The following LNX1 variants were observed in gnomAD, a reference collection of about 807,000 sequenced individuals.
LNX1 encodes the protein E3 ubiquitin-protein ligase LNX.
A neutral mutation model predicts 68.4 loss-of-function variants in LNX1; 54 were observed. The observed-to-expected ratio is 0.79, with a 90% CI of 0.63 to 0.99. The LOEUF is 0.99. Among genes scored for constraint, LNX1 ranks in the 50% least tolerant of loss-of-function variants. The pLI, the probability that LNX1 is intolerant of heterozygous loss-of-function variation, is 0.00. For missense variants in LNX1, 906 were observed against 926.4 expected, an observed-to-expected ratio of 0.98 and a Z score of 0.29; for synonymous variants, 336 against 350.0, an observed-to-expected ratio of 0.96 and a Z score of 0.45.
chr4:53,477,668 A>G (rs1335674253), intron 8 of LNX1, among the ~76,000 whole-genome samples: 1 of 152,208 alleles, frequency 6.6e-6, no homozygotes, highest in Admixed American at 6.5e-5. Context: ...AGAAATTAAA[A>G]TATACATCTC....
At chr4:53,590,208 G>C (rs940678005) in intron 1 of LNX1, among the ~76,000 whole-genome samples, 2 of 152,178 alleles carry the variant, frequency 1.3e-5, no homozygotes, top group African/African-American at 2.4e-5. Context: ...GGTGAGGAAC[G>C]ACTGTCTGTC....
At position 53,478,567 on chromosome 4, in the gene LNX1, G is replaced by A; in HGVS notation, c.1661C>T (p.Thr554Ile). The A allele has an allele frequency of 6.2e-7, 1 of 1,605,054 alleles. No homozygotes were observed. Among genetic ancestry groups the A allele is most frequent in the Non-Finnish European group, 8.5e-7 (1 of 1,174,986 alleles). Residue 554 changes from threonine to isoleucine, a missense_variant and splice_region_variant, in exon 8 of 11, where the codon ACA (threonine) becomes ATA (isoleucine). Physicochemically the swap from Thr to Ile is moderately conservative, Grantham distance 89. Transcript: ENST00000263925. ...TTTAAAATCCCTTTACTTTTTACCTGTTTTTATTCTTCCATCTCTGCTTAT... is the reference window on the plus strand; with the variant it reads ...TTTAAAATCCCTTTACTTTTTACCTATTTTTATTCTTCCATCTCTGCTTAT... ...GVISRDGRIK[T>I]GDILLNVDGV...
At chr4:53,566,811 A>G (rs1422508152) in intron 2 of LNX1, among the ~76,000 whole-genome samples, 1 of 149,810 alleles carries the variant, frequency 6.7e-6, no homozygotes, top group Non-Finnish European at 1.5e-5. Context: ...AAGATCTACC[A>G]AGCAAATGGA....
intron 2 of LNX1, among the ~76,000 whole-genome samples, chr4:53,569,536 G>T (rs1285770664): frequency 2.2e-5 from 3 of 134,060 alleles, no homozygotes; most frequent in Non-Finnish European, 3.2e-5. Context: ...AGACTTAAAC[G>T]TTAGACCTAA....
At chr4:53,538,942 T>A (rs893655005) in intron 2 of LNX1, among the ~76,000 whole-genome samples, 14 of 152,172 alleles carry the variant, frequency 9.2e-5, no homozygotes, top group Admixed American at 5.9e-4. Flanking sequence ...CGATTAACAG[T>A]CATGCACAGA....
intron 9 of LNX1, among the ~76,000 whole-genome samples, chr4:53,471,006 G>A (rs534760178): frequency 4.3e-5 from 6 of 138,538 alleles, no homozygotes; most frequent in Middle Eastern, 7.1e-3. Flanking sequence ...AGTTCATATG[G>A]AACCAAAAAA....
intron 4 of LNX1, among the ~76,000 whole-genome samples, chr4:53,502,417 A>G (rs1725571350): frequency 6.6e-6 from 1 of 152,230 alleles, no homozygotes. Flanking sequence ...GTACAATAGC[A>G]TGTTTTTTAA....
At chr4:53,505,548 G>A (rs1056915345) in intron 4 of LNX1, among the ~76,000 whole-genome samples, 33 of 152,228 alleles carry the variant, frequency 2.2e-4, no homozygotes, top group African/African-American at 7.9e-4. Context: ...CACCACGTCT[G>A]GCCCAAGTAG....
upstream of LNX1, among the ~76,000 whole-genome samples, chr4:53,595,905 A>G (rs978731296): frequency 4.6e-5 from 7 of 152,130 alleles, no homozygotes; most frequent in African/African-American, 1.4e-4. Flanking sequence ...AGAGTTGTCT[A>G]TGATGATTGA....
At chr4:53,599,412 A>C (rs1732896431) in intron 2 of LNX1, among the ~76,000 whole-genome samples, 1 of 152,232 alleles carries the variant, frequency 6.6e-6, no homozygotes. Flanking sequence ...TATATGGTCT[A>C]AAAAGGGGAG....
chr4:53,544,258 C>G (rs1404571747), intron 2 of LNX1, among the ~76,000 whole-genome samples: 1 of 151,442 alleles, frequency 6.6e-6, no homozygotes, highest in Non-Finnish European at 1.5e-5. Flanking sequence ...GCAGTGGTGC[C>G]ATCTCAGCTC....
intron 6 of LNX1, among the ~76,000 whole-genome samples, chr4:53,485,685 T>C (rs1279384442): frequency 6.6e-6 from 1 of 152,204 alleles, no homozygotes; most frequent in African/African-American, 2.4e-5. Context: ...AACGGGCTAA[T>C]ATGCTTGTCC....
chr4:53,579,114 T>C (rs1731673771), intron 1 of LNX1: 1 of 215,236 alleles, frequency 4.6e-6, no homozygotes, highest in African/African-American at 2.3e-5. Flanking sequence ...GTCAGCTTTG[T>C]GTCCATATAA....
chr4:53,528,288 A>T (rs1263181159), intron 2 of LNX1, among the ~76,000 whole-genome samples: 1 of 152,244 alleles, frequency 6.6e-6, no homozygotes, highest in Admixed American at 6.5e-5. Flanking sequence ...ACCTGTGGTC[A>T]ACTGCAGCTT....
chr4:53,566,600 A>C (rs2109756099), intron 2 of LNX1, among the ~76,000 whole-genome samples: 1 of 152,002 alleles, frequency 6.6e-6, no homozygotes, highest in African/African-American at 2.4e-5. Context: ...CTAACGAGCA[A>C]AATAACCAGC....
At chr4:53,550,569 T>C (rs566185689) in intron 2 of LNX1, among the ~76,000 whole-genome samples, 1 of 152,320 alleles carries the variant, frequency 6.6e-6, no homozygotes, top group African/African-American at 2.4e-5. Flanking sequence ...TTGAAAGTGT[T>C]GGGAATGGCT....
intron 2 of LNX1, among the ~76,000 whole-genome samples, chr4:53,600,058 A>C (rs377567091): frequency 5.9e-5 from 9 of 152,272 alleles, no homozygotes; most frequent in African/African-American, 2.2e-4. Context: ...CCCTCTCCCC[A>C]ATACCATATG....
At position 53,496,355 on chromosome 4, in the gene LNX1, C is replaced by A; in HGVS notation, c.1018G>T (p.Ala340Ser). The stretch of plus-strand genomic sequence containing the variant: ...CAGGGCTGCCGCAGGAGACGCACAG[C>A]GTAGTTGTGAGGGACATTGCTGATG... ...MDISNVPHNY[A>S]VRLLRQPCQV... The change falls in exon 6 of 11, where the codon GCT (alanine) becomes TCT (serine). Residue 340 changes from alanine to serine, a missense_variant. Physicochemically the swap from Ala to Ser is moderately conservative, Grantham distance 99. Coordinates refer to ENST00000263925, the MANE Select transcript of LNX1 (RefSeq NM_001126328.3). 1 of 1,613,798 alleles carries A rather than the reference C, an allele frequency of 6.2e-7. No homozygotes were observed. The highest frequency in any genetic ancestry group is 8.5e-7 in the Non-Finnish European group (1 of 1,179,852).
chr4:53,560,212 T>C (rs1365542473), intron 2 of LNX1, among the ~76,000 whole-genome samples: 11 of 152,208 alleles, frequency 7.2e-5, no homozygotes. Flanking sequence ...GGTTGTGGAC[T>C]TCATATTGGT....
Sources: gnomAD v4.1 joint callset for allele counts (sites outside exome capture counted in the v4.1 genomes callset) on GRCh38, gnomAD v4.1.1 for gene constraint, MANE v1.5 for transcripts, NCBI Gene and HGNC (gene_info 2026-07-23, HGNC 2026-07-21) for gene names.